VIPAS39: variants seen among roughly 807,000 people sequenced by gnomAD.
The protein encoded by VIPAS39 is spermatogenesis-defective protein 39 homolog.
A neutral mutation model predicts 84.7 loss-of-function variants in VIPAS39; 63 were observed. That is an observed-to-expected ratio of 0.74 (90% CI 0.61 to 0.92). The LOEUF (loss-of-function observed/expected upper bound fraction) is 0.92, where lower values mean the gene tolerates loss of function less well. Among genes scored for constraint, VIPAS39 ranks in the 40% least tolerant of loss-of-function variants. The probability of loss-of-function intolerance (pLI) is 0.00; values close to 1 mark genes in which losing one functional copy is unlikely to be tolerated. For synonymous variants in VIPAS39, 192 were observed against 216.5 expected (o/e 0.89, Z 0.99); for missense variants, 499 against 604.5 (o/e 0.83, Z 1.83).
intron 18 of VIPAS39, 31 bp downstream of exon 18, chr14:77,428,975 A>G: frequency 6.3e-7 from 1 of 1,591,496 alleles, no homozygotes; most frequent in Non-Finnish European, 8.6e-7. Flanking sequence ...CTGAGGATCT[A>G]ACGGAGGACT....
intron 4 of VIPAS39, among the ~76,000 whole-genome samples, chr14:77,450,372 C>G (rs1212029396): frequency 6.6e-6 from 1 of 152,200 alleles, no homozygotes; most frequent in Non-Finnish European, 1.5e-5. Context: ...ATTCATCCAT[C>G]AATGGACATT....
Position 77,448,520 on chromosome 14 carries a change from T to C in VIPAS39, c.478A>G (p.Thr160Ala), listed in dbSNP as rs1267661792. The stretch of plus-strand genomic sequence containing the variant: ...TTGCCCTTCCGGAGACGTCGCACTG[T>C]ATCACTGGGGCTCCAGTCATTGCTG... ...DYSNDWSPSD[T>A]VRRLRKGKVC... Residue 160 changes from threonine (T) to alanine (A), a missense_variant, in exon 7 of 20, where the codon ACA (threonine) becomes GCA (alanine). By Grantham distance (58) the Thr-to-Ala change is moderately conservative. Transcript: ENST00000557658. The C allele has an allele frequency of 6.2e-7, 1 of 1,614,184 alleles. No individual in the cohort carries two copies. The highest frequency in any genetic ancestry group is 8.5e-7 in the Non-Finnish European group (1 of 1,180,028).
In VIPAS39 at chr14:77,444,233, A is replaced by G. The variant is rs1387448400; in HGVS notation, c.597+16T>C. 2.5e-6 allele frequency: 4 copies of G among 1,610,512 alleles called. No individual in the cohort carries two copies. The highest frequency in any genetic ancestry group is 3.4e-6 in the Non-Finnish European group (4 of 1,177,096). ...AAACAATAATTAAACAAACAACAACAAATCCGACAACTCACTGCAGTAATG... is the reference window on the plus strand; with the variant it reads ...AAACAATAATTAAACAAACAACAACGAATCCGACAACTCACTGCAGTAATG... On this transcript the variant is annotated intron_variant, in intron 8 of 19. Transcript: ENST00000557658.
intron 12 of VIPAS39, among the ~76,000 whole-genome samples, 161 bp downstream of exon 12, chr14:77,437,647 C>T (rs1209012461): frequency 1.3e-5 from 2 of 152,070 alleles, no homozygotes; most frequent in Non-Finnish European, 1.5e-5. Flanking sequence ...CTGCTGGGGA[C>T]TAGTGTGTGA....
rs577625484 is a variant in VIPAS39, at chr14:77,442,520, G to A, written c.734+40C>T. 185 of 1,538,788 alleles carry A rather than the reference G, an allele frequency of 1.2e-4. 3 individuals are homozygous for A. In the South Asian group the frequency reaches 1.2e-3, roughly 10 times the overall value. On this transcript the variant is annotated intron_variant, in intron 10 of 19. Transcript: ENST00000557658. The stretch of plus-strand genomic sequence containing the variant: ...TATCCCTCAGAGTGCTTTGAAACAA[G>A]TACTTACTAAACTTTATAGACCAGA...
intron 1 of VIPAS39, among the ~76,000 whole-genome samples, chr14:77,456,036 G>T (rs1321326944): frequency 6.6e-6 from 1 of 152,154 alleles, no homozygotes; most frequent in African/African-American, 2.4e-5. Flanking sequence ...AAGCCTTGGA[G>T]AAAATTATAT....
chr14:77,428,285 C>A (rs1257512114), intron 19 of VIPAS39, 85 bp downstream of exon 19: 1 of 1,276,412 alleles, frequency 7.8e-7, no homozygotes, highest in Non-Finnish European at 1.1e-6. Flanking sequence ...GCAATCCTTC[C>A]AGACCTTGGG....
In VIPAS39 at chr14:77,433,896, A is replaced by T; in HGVS notation, c.1125T>A (p.Ala375=). The T allele has an allele frequency of 6.2e-7, 1 of 1,614,128 alleles. No individual in the cohort carries two copies. Among genetic ancestry groups the T allele is most frequent in the Non-Finnish European group, 8.5e-7 (1 of 1,179,988 alleles). Reference sequence around the variant, plus strand: ...TCCAGGCTCGAAGCTTGGCACGAGCAGCCAGGGCTGTCAGCACATACTGTT... The same window carrying T: ...TCCAGGCTCGAAGCTTGGCACGAGCTGCCAGGGCTGTCAGCACATACTGTT... The part of the protein sequence containing the change: ...PDKQYVLTAL[A]ARAKLRAWND... The change falls in exon 16 of 20, where the codon GCT becomes GCA. Residue 375 remains alanine, a synonymous_variant. Coordinates refer to ENST00000557658, the MANE Select transcript of VIPAS39 (RefSeq NM_001193315.2).
intron 7 of VIPAS39, among the ~76,000 whole-genome samples, chr14:77,446,400 C>T (rs755905579): frequency 6.6e-6 from 1 of 152,100 alleles, no homozygotes; most frequent in Non-Finnish European, 1.5e-5. Context: ...GCCTCCAGGG[C>T]TCAACTGATC....
At chr14:77,433,797 C>A in intron 16 of VIPAS39, 45 bp downstream of exon 16, 3 of 1,591,444 alleles carry the variant, frequency 1.9e-6, no homozygotes, top group South Asian at 2.2e-5. Context: ...TGATAGAACC[C>A]TTCTGTCTCC....
intron 1 of VIPAS39, among the ~76,000 whole-genome samples, chr14:77,455,770 G>C (rs2078951468): frequency 6.6e-6 from 1 of 152,170 alleles, no homozygotes; most frequent in African/African-American, 2.4e-5. Flanking sequence ...TTCAACTCAG[G>C]GGATATAGGG....
chr14:77,446,193 C>T (rs1423043203), intron 7 of VIPAS39, among the ~76,000 whole-genome samples: 1 of 152,070 alleles, frequency 6.6e-6, no homozygotes, highest in Non-Finnish European at 1.5e-5. Flanking sequence ...TCTATATTTT[C>T]TTCTAGAAGT....
rs2078854278 is a variant in VIPAS39, at chr14:77,449,843, A to AT, written c.344-92dup. ...AAAGACACAATGTGTAACCAACTCA[A>AT]TAACGCAATATAGGAACTTAAGGCT... is the stretch of plus-strand genomic sequence containing the variant. On this transcript the variant is annotated intron_variant, in intron 4 of 19. Transcript: ENST00000557658. The AT allele has an allele frequency of 3.7e-6, 5 of 1,369,302 alleles. No individual in the cohort carries two copies. In the Admixed American group the frequency reaches 6.7e-5, roughly 18 times the overall value. The allele number at this position is 1,369,302 out of a possible 1,614,324, so 84.8% of individuals were successfully genotyped here.
chr14:77,427,413 C>G lies in VIPAS39; in HGVS notation c.*203G>C, dbSNP rs1046971577. 1 of 625,688 alleles carries G rather than the reference C, an allele frequency of 1.6e-6. No homozygotes were observed. Among genetic ancestry groups the G allele is most frequent in the Non-Finnish European group, 2.8e-6 (1 of 358,044 alleles). The allele number at this position is 625,688 out of a possible 1,614,324, so 38.8% of individuals were successfully genotyped here. ...GGTGGAGAGAATCATTCTCATGACT[C>G]AAAGCTTTAGATCTCGATCCTCAGA... On this transcript the variant is annotated 3_prime_UTR_variant, in exon 20 of 20. Coordinates refer to ENST00000557658, the MANE Select transcript of VIPAS39 (RefSeq NM_001193315.2).
In VIPAS39 at chr14:77,429,096, C is replaced by T; in HGVS notation, c.1267-1G>A. On this transcript the variant is annotated splice_acceptor_variant, in intron 17 of 19. Transcript: ENST00000557658. LOFTEE classifies it high-confidence loss of function. ...CCAGATTGACATACTCCTGTAATAT[C>T]TGTGGGAAGAGGTACTTCCGATTAA... is the stretch of plus-strand genomic sequence containing the variant. 6.2e-7 allele frequency: 1 copy of T among 1,613,496 alleles called. No individual in the cohort carries two copies. Among genetic ancestry groups the T allele is most frequent in the African/African-American group, 1.3e-5 (1 of 75,040 alleles).
Position 77,453,308 on chromosome 14 carries a change from G to A in VIPAS39, c.187C>T (p.Pro63Ser), listed in dbSNP as rs746593817. ...GGACTCTTCTACTTACTTCCCACAG[G>A]TTCCCCACTCCAGCTGACTCGCTCC... is the stretch of plus-strand genomic sequence containing the variant. ...DLERVSWSGEPVGSISWSIRE... is the reference protein window; with the variant it reads ...DLERVSWSGESVGSISWSIRE... The change falls in exon 3 of 20, where the codon CCT (proline) becomes TCT (serine). Residue 63 changes from proline (P) to serine (S), a missense_variant. Pro to Ser is a moderately conservative substitution (Grantham distance 74). Transcript: ENST00000557658. 1.9e-6 allele frequency: 3 copies of A among 1,613,876 alleles called. No individual in the cohort carries two copies. Among genetic ancestry groups the A allele is most frequent in the African/African-American group, 1.3e-5 (1 of 74,912 alleles).
chr14:77,455,711 G>T (rs2078950208), intron 1 of VIPAS39, among the ~76,000 whole-genome samples: 1 of 152,118 alleles, frequency 6.6e-6, no homozygotes, highest in Non-Finnish European at 1.5e-5. Flanking sequence ...TCCTGTTGAG[G>T]CTTTTGATAG....
intron 16 of VIPAS39, among the ~76,000 whole-genome samples, chr14:77,430,738 AG>A (rs199689403): frequency 0.2 from 21,983 of 110,098 alleles, 1,679 homozygotes; most frequent in Middle Eastern, 0.29. Flanking sequence ...AAAAAAAAAA[AG>A]GGGGGGTAGG....
At chr14:77,429,650 C>A in intron 17 of VIPAS39, 31 bp downstream of exon 17, 1 of 1,607,598 alleles carries the variant, frequency 6.2e-7, no homozygotes, top group Non-Finnish European at 8.5e-7. Flanking sequence ...CCAAGAATAT[C>A]CTGTACCCAA....
Sources: allele counts gnomAD v4.1 joint callset (sites outside exome capture counted in the v4.1 genomes callset), GRCh38; gene constraint gnomAD v4.1.1; transcripts MANE v1.5; gene names NCBI Gene and HGNC (gene_info 2026-07-23, HGNC 2026-07-21).